ABHD16A: variants seen among roughly 807,000 people sequenced by gnomAD.
The protein encoded by ABHD16A is abhydrolase domain containing 16A, phospholipase, also known as phosphatidylserine lipase ABHD16A.
ABHD16A carries 47 observed loss-of-function variants against 89.8 expected under a neutral mutation model. The ratio of observed to expected loss-of-function variants is 0.52; its 90% CI spans 0.41 to 0.67. ABHD16A has a LOEUF of 0.67. ABHD16A is among the 30% of genes least tolerant of loss of function. The probability of loss-of-function intolerance (pLI) is 0.00; values close to 1 mark genes in which losing one functional copy is unlikely to be tolerated. For missense variants in ABHD16A, 580 were observed against 734.6 expected (o/e 0.79, Z 2.43); for synonymous variants, 251 against 280.4 (o/e 0.90, Z 1.05).
chr6:31,699,767 G>T (rs775577753), intron 4 of ABHD16A, among the ~76,000 whole-genome samples: 34 of 151,870 alleles, frequency 2.2e-4, no homozygotes, highest in Admixed American at 5.2e-4. Flanking sequence ...TTTCTGAGAT[G>T]GAGCCTTGCT....
chr6:31,697,056 C>G, intron 4 of ABHD16A, 23 bp from the exon 5 acceptor site: 1 of 1,600,962 alleles, frequency 6.2e-7, no homozygotes, highest in Non-Finnish European at 8.6e-7. Context: ...GGACAGGAAA[C>G]AGTGCTAGGA....
Position 31,688,173 on chromosome 6 carries a change from T to A in ABHD16A, c.1308-70A>T. ...GGAAGGGTCTAGATACCCAGGTTTC[T>A]GGTGGGCAGAGGTAGAAGGGACAAG... is the stretch of plus-strand genomic sequence containing the variant. On this transcript the variant is annotated intron_variant, in intron 15 of 19. Coordinates refer to ENST00000395952, the MANE Select transcript of ABHD16A (RefSeq NM_021160.3). The surrounding 1 kb of genome is among the most constrained non-coding windows in gnomAD (Gnocchi z 4.9). The A allele has an allele frequency of 6.2e-7, 1 of 1,606,100 alleles. No homozygotes were observed. The highest frequency in any genetic ancestry group is 8.5e-7 in the Non-Finnish European group (1 of 1,173,962).
Position 31,693,121 on chromosome 6 carries a change from G to A in ABHD16A, c.532C>T (p.Arg178Trp), listed in dbSNP as rs377315080. 1.6e-5 allele frequency: 26 copies of A among 1,613,766 alleles called. No individual in the cohort carries two copies. The African/African-American group carries it at 2.7e-4, about 17-fold the overall frequency. Residue 178 changes from arginine to tryptophan, a missense_variant, in exon 7 of 20, where the codon CGG becomes TGG. Physicochemically the swap from Arg to Trp is moderately radical, Grantham distance 101. This residue lies in a region of ABHD16A where 415 missense variants were observed against 568.8 expected (regional missense o/e 0.73). Coordinates refer to ENST00000395952, the MANE Select transcript of ABHD16A (RefSeq NM_021160.3). This position sits in a 1 kb window ranked among gnomAD's most constrained non-coding sequence, Gnocchi z 5.0. The part of the protein sequence containing the change: ...RKESRGGPSR[R>W]GVALLRPEPL... ...TCTGGGCGAAGCAGGGCCACACCCC[G>A]GCGGGAAGGGCCCCCTCGAGACTCC...
rs745620861 is a variant in ABHD16A at position 31,687,175 on chromosome 6, C to T, written c.*37G>A. ...AAGAGGGTCTTTCCTCATGTCTCCT[C>T]TCACCCCATTCTTCCATAATGAGTC... On this transcript the variant is annotated 3_prime_UTR_variant, in exon 20 of 20. Coordinates refer to ENST00000395952, the MANE Select transcript of ABHD16A (RefSeq NM_021160.3). This position sits in a 1 kb window ranked among gnomAD's most constrained non-coding sequence, Gnocchi z 6.3. 2.6e-6 allele frequency: 4 copies of T among 1,567,880 alleles called. No individual in the cohort carries two copies. Among genetic ancestry groups the T allele is most frequent in the Non-Finnish European group, 3.5e-6 (4 of 1,140,928 alleles).
chr6:31,693,212 C>T lies in ABHD16A; in HGVS notation c.504-63G>A. The T allele has an allele frequency of 1.3e-6, 2 of 1,594,078 alleles. No individual in the cohort carries two copies. The highest frequency in any genetic ancestry group is 1.7e-6 in the Non-Finnish European group (2 of 1,168,362). On this transcript the variant is annotated intron_variant, in intron 6 of 19. Transcript: ENST00000395952. This position sits in a 1 kb window ranked among gnomAD's most constrained non-coding sequence, Gnocchi z 5.0. Reference sequence around the variant, plus strand: ...GAGCAGCAAGCTGGATGTCTGAGGTCTGGAGAACAGTGGGGTCTAGGAACG... The same window carrying T: ...GAGCAGCAAGCTGGATGTCTGAGGTTTGGAGAACAGTGGGGTCTAGGAACG...
chr6:31,702,690 G>A, intron 1 of ABHD16A: 3 of 1,545,732 alleles, frequency 1.9e-6, no homozygotes, highest in Non-Finnish European at 2.6e-6. Context: ...GAGGACCGAC[G>A]GATACAGGAT....
At position 31,690,992 on chromosome 6, in the gene ABHD16A, G is replaced by C. The variant is rs2151229604; in HGVS notation, c.844-390C>G. ...TCTCTGAGCTCCAGTCTTATGGTCA[G>C]ATAAACTGTAATGCCATGGCGCCCC... On this transcript the variant is annotated intron_variant, in intron 9 of 19. Coordinates refer to ENST00000395952, the MANE Select transcript of ABHD16A (RefSeq NM_021160.3). The surrounding 1 kb of genome is among the most constrained non-coding windows in gnomAD (Gnocchi z 4.1). Among the ~76,000 whole-genome samples the C allele has an allele frequency of 6.6e-6, 1 of 152,270 alleles. No homozygotes were observed. The highest frequency in any genetic ancestry group is 2.1e-4 in the South Asian group (1 of 4,830).
In ABHD16A at chr6:31,703,290, C is replaced by G; in HGVS notation, c.-9G>C. The G allele has an allele frequency of 1.5e-6, 2 of 1,343,604 alleles. No homozygotes were observed. The highest frequency in any genetic ancestry group is 1.9e-6 in the Non-Finnish European group (2 of 1,035,702). 83.2% of individuals were successfully genotyped at this position (1,343,604 alleles called of 1,614,324 possible). A position where few individuals can be genotyped will look rare whatever the true frequency, so the allele number is the denominator to read the frequency against. On this transcript the variant is annotated 5_prime_UTR_variant, in exon 1 of 20. Transcript: ENST00000395952. ...CTCAGCAGCTTCGCCATGGCCCCGG[C>G]TCGGGCCGCTGCTCTTCCAGCAGCA...
Position 31,693,403 on chromosome 6 carries a change from G to T in ABHD16A, c.459C>A (p.Phe153Leu), listed in dbSNP as rs1320348639. The T allele has an allele frequency of 4.3e-6, 7 of 1,612,948 alleles. No individual in the cohort carries two copies. The highest frequency in any genetic ancestry group is 1.7e-5 in the Admixed American group (1 of 60,012). ...KRQLANYNFD[F>L]RSWPVDFHWE... ...AGTGGAAGTCGACTGGCCAGCTCCGGAAGTCAAAGTTGTAGTTGGCAAGCT... is the reference window on the plus strand; with the variant it reads ...AGTGGAAGTCGACTGGCCAGCTCCGTAAGTCAAAGTTGTAGTTGGCAAGCT... The change falls in exon 6 of 20, where the codon TTC (phenylalanine) becomes TTA (leucine). Residue 153 changes from phenylalanine to leucine, a missense_variant. By Grantham distance (22) the Phe-to-Leu change is conservative. Transcript: ENST00000395952. The surrounding 1 kb of genome is among the most constrained non-coding windows in gnomAD (Gnocchi z 5.0).
chr6:31,699,356 C>CCGAGAT (rs1804689040), intron 4 of ABHD16A, among the ~76,000 whole-genome samples: 1 of 147,052 alleles, frequency 6.8e-6, no homozygotes, highest in Non-Finnish European at 1.5e-5. Context: ...TTGCAGTGAG[C>CCGAGAT]CGAGATCGCG....
chr6:31,701,709 G>A lies in ABHD16A; in HGVS notation c.189+365C>T, dbSNP rs985776626. 3.9e-5 allele frequency among the ~76,000 whole-genome samples: 6 copies of A among 152,152 alleles called. No homozygotes were observed. In the East Asian group the frequency reaches 5.8e-4, roughly 15 times the overall value. On this transcript the variant is annotated intron_variant, in intron 2 of 19. Transcript: ENST00000395952. ...CCCTGGCCTGGTCCCCAAGAGATGC[G>A]CAAACGTCACCACAGGAACTGTGCC...
rs1304980746 is a variant in ABHD16A at position 31,693,094 on chromosome 6, G to C, written c.559C>G (p.Pro187Ala). 8 of 1,614,206 alleles carry C rather than the reference G, an allele frequency of 5.0e-6. No individual in the cohort carries two copies. The highest frequency in any genetic ancestry group is 3.4e-6 in the Non-Finnish European group (4 of 1,180,044). Reference protein sequence around the residue: ...RRGVALLRPEPLHRGTADTLL... With the variant: ...RRGVALLRPEALHRGTADTLL... ...GTGTCTGCTGTCCCCCGGTGCAGGG[G>C]CTCTGGGCGAAGCAGGGCCACACCC... Residue 187 changes from proline (P) to alanine (A), a missense_variant, in exon 7 of 20, where the codon CCC becomes GCC. By Grantham distance (27) the Pro-to-Ala change is conservative. This residue lies in a region of ABHD16A where 415 missense variants were observed against 568.8 expected (regional missense o/e 0.73). Coordinates refer to ENST00000395952, the MANE Select transcript of ABHD16A (RefSeq NM_021160.3). The surrounding 1 kb of genome is among the most constrained non-coding windows in gnomAD (Gnocchi z 5.0).
Position 31,702,915 on chromosome 6 carries a change from A to G in ABHD16A, c.132+235T>C. On this transcript the variant is annotated intron_variant, in intron 1 of 19. Coordinates refer to ENST00000395952, the MANE Select transcript of ABHD16A (RefSeq NM_021160.3). ...ACAGGGTCGGGGGGACGCGGAGAGG[A>G]AAGAACAAAGAGTGGCAGTCGGAAT... 6 of 1,303,642 alleles carry G rather than the reference A, an allele frequency of 4.6e-6. No individual in the cohort carries two copies. In the South Asian group the frequency reaches 1.4e-4, roughly 31 times the overall value. The allele number at this position is 1,303,642 out of a possible 1,614,324, so 80.8% of individuals were successfully genotyped here. A position where few individuals can be genotyped will look rare whatever the true frequency, so the allele number is the denominator to read the frequency against.
rs1803745837 is a variant in ABHD16A, at chr6:31,690,316, G to A, written c.908-189C>T. 1 of 679,246 alleles carries A rather than the reference G, an allele frequency of 1.5e-6. No individual in the cohort carries two copies. Among genetic ancestry groups the A allele is most frequent in the East Asian group, 2.7e-5 (1 of 36,660 alleles). The allele number at this position is 679,246 out of a possible 1,614,324, so 42.1% of individuals were successfully genotyped here. A position where few individuals can be genotyped will look rare whatever the true frequency, so the allele number is the denominator to read the frequency against. ...CAGCATGTGATTGTGTGGGGTGTGTGGTGGGGGAATGGAACAGAATGAAAA... is the reference window on the plus strand; with the variant it reads ...CAGCATGTGATTGTGTGGGGTGTGTAGTGGGGGAATGGAACAGAATGAAAA... On this transcript the variant is annotated intron_variant, in intron 10 of 19. Transcript: ENST00000395952. The surrounding 1 kb of genome is among the most constrained non-coding windows in gnomAD (Gnocchi z 4.1).
rs1803763888 is a variant in ABHD16A, at chr6:31,690,497, C to T, written c.907+42G>A. On this transcript the variant is annotated intron_variant, in intron 10 of 19. Coordinates refer to ENST00000395952, the MANE Select transcript of ABHD16A (RefSeq NM_021160.3). This position sits in a 1 kb window ranked among gnomAD's most constrained non-coding sequence, Gnocchi z 4.1. ...TCAGTGTGGGAGGCAGGGACATTCC[C>T]TTTCAAAGGGCGGAGATAAGGAGGC... is the stretch of plus-strand genomic sequence containing the variant. 5 of 1,606,622 alleles carry T rather than the reference C, an allele frequency of 3.1e-6. No individual in the cohort carries two copies. The highest frequency in any genetic ancestry group is 4.3e-6 in the Non-Finnish European group (5 of 1,174,160).
chr6:31,697,882 C>G (rs1341855577), intron 4 of ABHD16A, among the ~76,000 whole-genome samples: 1 of 152,182 alleles, frequency 6.6e-6, no homozygotes, highest in Non-Finnish European at 1.5e-5. Context: ...TCCTGGCTCT[C>G]AGAGAGCTGG....
At chr6:31,700,912 A>T in intron 4 of ABHD16A, 30 bp downstream of exon 4, 1 of 1,572,882 alleles carries the variant, frequency 6.4e-7, no homozygotes, top group Non-Finnish European at 8.8e-7. Flanking sequence ...GTGACAGATA[A>T]GATTCAAACC....
chr6:31,687,775 C>T lies in ABHD16A; in HGVS notation c.1448-35G>A, dbSNP rs1432531133. The T allele has an allele frequency of 1.9e-6, 3 of 1,612,814 alleles. No individual in the cohort carries two copies. The highest frequency in any genetic ancestry group is 1.7e-6 in the Non-Finnish European group (2 of 1,179,872). On this transcript the variant is annotated intron_variant, in intron 17 of 19. Coordinates refer to ENST00000395952, the MANE Select transcript of ABHD16A (RefSeq NM_021160.3). The surrounding 1 kb of genome is among the most constrained non-coding windows in gnomAD (Gnocchi z 6.3). ...GAGAGAGATGACAGCCAGTCAGCAA[C>T]CTGACCTTGCTGGGCCCCCGCCCCA...
chr6:31,701,382 C>G (rs1262684521), intron 2 of ABHD16A, 42 bp from the exon 3 acceptor site: 42 of 1,493,660 alleles, frequency 2.8e-5, no homozygotes, highest in Non-Finnish European at 3.8e-5. Context: ...TACACACACA[C>G]ACACACACCT....
Sources: allele counts gnomAD v4.1 joint callset (sites outside exome capture counted in the v4.1 genomes callset), GRCh38; gene constraint gnomAD v4.1.1; regional missense constraint gnomAD v4.1.1; non-coding constraint Gnocchi (gnomAD v3.1); transcripts MANE v1.5; gene names NCBI Gene and HGNC (gene_info 2026-07-23, HGNC 2026-07-21).